Variants in COL18A1 observed in about 807,000 individuals in gnomAD.
COL18A1 encodes collagen type XVIII alpha 1 chain, also known as collagen alpha-1(XVIII) chain.
A neutral mutation model predicts 168.0 loss-of-function variants in COL18A1; 133 were observed. The observed-to-expected ratio is 0.79, with a 90% CI of 0.69 to 0.91. The LOEUF is 0.91. Ranked by LOEUF, COL18A1 falls within the 40% of genes least tolerant of loss-of-function variation. The pLI, the probability that COL18A1 is intolerant of heterozygous loss-of-function variation, is 0.00. For synonymous variants in COL18A1, 949 were observed against 809.0 expected (o/e 1.17, Z -2.94); for missense variants, 2,126 against 1,925.4 (o/e 1.10, Z -1.95).
chr21:45,509,099 G>C (rs963579920), intron 38 of COL18A1, among the ~76,000 whole-genome samples: 56 of 152,128 alleles, frequency 3.7e-4, no homozygotes, highest in African/African-American at 1.3e-3. Context: ...CGTGGTGAGT[G>C]ATTGCTGCGG....
intron 32 of COL18A1, among the ~76,000 whole-genome samples, chr21:45,501,310 G>C (rs1367060061): frequency 1.3e-5 from 2 of 152,042 alleles, no homozygotes; most frequent in Admixed American, 1.3e-4. Context: ...ATTATAGGGG[G>C]ACTTTCAGCC....
chr21:45,416,614 C>T (rs980238921), intron 2 of COL18A1, among the ~76,000 whole-genome samples: 6 of 152,110 alleles, frequency 3.9e-5, no homozygotes, highest in South Asian at 2.1e-4. Context: ...GACCGCGGTC[C>T]GTCCTCTGTG....
rs781659635 is a variant in COL18A1, at chr21:45,512,307, G to A, written c.3929G>A (p.Gly1310Glu). The change falls in exon 42 of 42, where the codon GGG (glycine) becomes GAG (glutamate). Residue 1310 changes from glycine (G) to glutamate (E), a missense_variant. Transcript: ENST00000651438. ...ACGGGCCAGGCCTCCTCGCTGCTGG[G>A]GGGCAGGCTCCTGGGGCAGAGTGCC... The part of the protein sequence containing the change: ...SATGQASSLL[G>E]GRLLGQSAAS... The A allele has an allele frequency of 2.0e-5, 32 of 1,612,372 alleles. No individual in the cohort carries two copies. Among genetic ancestry groups the A allele is most frequent in the Non-Finnish European group, 2.6e-5 (31 of 1,179,806 alleles).
At position 45,405,314 on chromosome 21, in the gene COL18A1, C is replaced by CCCGGGGG. The variant is rs1569270248; in HGVS notation, c.12-65_12-64insCCGGGGG. 715 of 368,626 alleles carry CCCGGGGG rather than the reference C, an allele frequency of 1.9e-3. 6 individuals carry two copies. In the East Asian group the frequency reaches 0.021, roughly 11 times the overall value. 22.8% of individuals were successfully genotyped at this position (368,626 alleles called of 1,614,324 possible). ...TGCGGGGGTCGCGGGGGTCGCGGGG[C>CCCGGGGG]TCGGCCGGGTCCTGCGGGGGTCGCG... On this transcript the variant is annotated intron_variant, in intron 1 of 41. Transcript: ENST00000651438.
At chr21:45,427,309 C>T (rs2033833274) in intron 2 of COL18A1, among the ~76,000 whole-genome samples, 1 of 152,182 alleles carries the variant, frequency 6.6e-6, no homozygotes, top group Admixed American at 6.5e-5. Flanking sequence ...GGCTTCTCCC[C>T]ACCCCTTTCT....
intron 2 of COL18A1, among the ~76,000 whole-genome samples, chr21:45,416,747 T>C (rs13051207): frequency 2.0e-5 from 3 of 151,930 alleles, no homozygotes. Context: ...GTGCAGCCTC[T>C]ACTCTCCCAC....
intron 36 of COL18A1, 97 bp downstream of exon 36, chr21:45,505,528 G>GGGA: frequency 1.3e-6 from 1 of 751,076 alleles, no homozygotes; most frequent in East Asian, 2.7e-5. Flanking sequence ...GGACCCCACA[G>GGGA]GGAGATATAC....
intron 9 of COL18A1, 21 bp from the exon 10 acceptor site, chr21:45,479,880 GC>G: frequency 6.2e-7 from 1 of 1,613,168 alleles, no homozygotes; most frequent in Non-Finnish European, 8.5e-7. Context: ...CCCTGACCGG[GC>G]CCCCGGATGT....
chr21:45,469,577 C>G (rs4818778), intron 3 of COL18A1, among the ~76,000 whole-genome samples: 24,782 of 152,170 alleles, frequency 0.16, 2,784 homozygotes, highest in African/African-American at 0.3. Flanking sequence ...GGGGGGTGGA[C>G]AGATCCCTAA....
chr21:45,491,124 C>G, intron 21 of COL18A1, 101 bp from the exon 22 acceptor site: 1 of 1,099,172 alleles, frequency 9.1e-7, no homozygotes, highest in Non-Finnish European at 1.4e-6. Context: ...GCCTCCTCAC[C>G]CACCGTGGGC....
chr21:45,477,643 C>T, intron 7 of COL18A1, 107 bp from the exon 8 acceptor site: 1 of 1,308,486 alleles, frequency 7.6e-7, no homozygotes. Context: ...TGCGTGTCCA[C>T]TGTGGGAAGC....
At chr21:45,510,378 T>C in intron 40 of COL18A1, 117 bp downstream of exon 40, 1 of 1,211,470 alleles carries the variant, frequency 8.3e-7, no homozygotes, top group Non-Finnish European at 1.2e-6. Flanking sequence ...TTACAGACAC[T>C]GGCGCCTAGG....
At chr21:45,438,531 C>T (rs1267157205) in intron 2 of COL18A1, among the ~76,000 whole-genome samples, 3 of 152,242 alleles carry the variant, frequency 2.0e-5, no homozygotes, top group African/African-American at 7.2e-5. Context: ...CTTTTCCTGC[C>T]GGCTGCACGG....
intron 33 of COL18A1, 56 bp downstream of exon 33, chr21:45,504,110 G>T: frequency 6.3e-7 from 1 of 1,582,336 alleles, no homozygotes; most frequent in South Asian, 1.1e-5. Flanking sequence ...ATCCCGCTGG[G>T]TGGCTGCTCC....
chr21:45,505,303 G>T, intron 35 of COL18A1, 25 bp downstream of exon 35: 1 of 1,604,492 alleles, frequency 6.2e-7, no homozygotes, highest in Non-Finnish European at 8.5e-7. Flanking sequence ...AGTGGGCCCC[G>T]GGCAGAGGCC....
intron 3 of COL18A1, among the ~76,000 whole-genome samples, chr21:45,469,565 TG>T (rs1289929437): frequency 2.0e-5 from 3 of 152,040 alleles, no homozygotes; most frequent in South Asian, 2.1e-4. Flanking sequence ...TTCTTGGGGT[TG>T]GGGGGGTGGA....
intron 3 of COL18A1, among the ~76,000 whole-genome samples, chr21:45,470,425 C>CTTTTTTTTTTTTTTT (rs1195744330): frequency 1.3e-4 from 5 of 37,114 alleles, no homozygotes; most frequent in Non-Finnish European, 2.5e-4. Flanking sequence ...TTTACCTTGT[C>CTTTTTTTTTTTTTTT]TTTTTTTTTT....
rs181455932 is a variant in COL18A1, at chr21:45,430,191, G to C, written c.106+24718G>C. Among the ~76,000 whole-genome samples the C allele has an allele frequency of 2.1e-3, 321 of 151,826 alleles. 1 individual carries two copies. The highest frequency in any genetic ancestry group is 7.2e-3 in the African/African-American group (296 of 41,350). On this transcript the variant is annotated intron_variant, in intron 2 of 41. Transcript: ENST00000651438. ...CATGAAGTGGGGTCATGGTTTGGGGGCCCCCTATCTTTCTAGCACCCTCTC... is the reference window on the plus strand; with the variant it reads ...CATGAAGTGGGGTCATGGTTTGGGGCCCCCCTATCTTTCTAGCACCCTCTC...
At chr21:45,475,165 G>T (rs562822432) in intron 4 of COL18A1, among the ~76,000 whole-genome samples, 22 of 152,352 alleles carry the variant, frequency 1.4e-4, no homozygotes, top group African/African-American at 5.3e-4. Context: ...CCAGGGCAGG[G>T]CTCTGGCCAG....
Sources: allele counts gnomAD v4.1 joint callset (sites outside exome capture counted in the v4.1 genomes callset), GRCh38; gene constraint gnomAD v4.1.1; transcripts MANE v1.5; gene names NCBI Gene and HGNC (gene_info 2026-07-23, HGNC 2026-07-21).